Variants in TJP1 observed in about 807,000 individuals in gnomAD.
The protein encoded by TJP1 is tight junction protein 1.
TJP1 carries 43 observed loss-of-function variants against 194.2 expected under a neutral mutation model. The ratio of observed to expected loss-of-function variants is 0.22; its 90% CI spans 0.17 to 0.29. The LOEUF (loss-of-function observed/expected upper bound fraction) is 0.29, where lower values mean the gene tolerates loss of function less well. TJP1 is among the 10% of genes least tolerant of loss of function. The pLI, the probability that TJP1 is intolerant of heterozygous loss-of-function variation, is 1.00. For synonymous variants in TJP1, 801 were observed against 779.0 expected (o/e 1.03, Z -0.47); for missense variants, 1,971 against 2,185.7 (o/e 0.90, Z 1.96).
chr15:29,862,501 A>C (rs2052117354), intron 2 of TJP1, among the ~76,000 whole-genome samples: 1 of 152,082 alleles, frequency 6.6e-6, no homozygotes, highest in South Asian at 2.1e-4. Flanking sequence ...TCTCAGCTGG[A>C]ATGTTATGGG....
rs2042729617 is a variant in TJP1, at chr15:29,718,663, T to C, written c.3479A>G (p.Gln1160Arg). Residue 1160 changes from glutamine (Q) to arginine (R), a missense_variant, in exon 21 of 28, where the codon CAG (glutamine) becomes CGG (arginine). By Grantham distance (43) the Gln-to-Arg change is conservative. Transcript: ENST00000614355. ...PRASALRHEEQPAPGYDTHGR... is the reference protein window; with the variant it reads ...PRASALRHEERPAPGYDTHGR... Reference sequence around the variant, plus strand: ...ATGTGTGTCATACCCAGGAGCTGGCTGCTCTTCGTGCCGCAGGGCGGATGC... The same window carrying C: ...ATGTGTGTCATACCCAGGAGCTGGCCGCTCTTCGTGCCGCAGGGCGGATGC... The C allele has an allele frequency of 6.2e-7, 1 of 1,614,058 alleles. No individual in the cohort carries two copies.
At chr15:29,738,904 T>A (rs1006926542) in intron 10 of TJP1, among the ~76,000 whole-genome samples, 1 of 144,104 alleles carries the variant, frequency 6.9e-6, no homozygotes, top group African/African-American at 2.5e-5. Flanking sequence ...TTAGCTGGGT[T>A]TCGTGGCTCG....
intron 26 of TJP1, 89 bp downstream of exon 26, chr15:29,705,439 G>A (rs1422066912): frequency 1.5e-6 from 2 of 1,318,886 alleles, no homozygotes; most frequent in Non-Finnish European, 2.1e-6. Context: ...GAGAGGTGCT[G>A]CATTATTAGC....
At chr15:29,827,139 T>C (rs1483521627), upstream of TJP1, among the ~76,000 whole-genome samples, 1 of 152,214 alleles carries the variant, frequency 6.6e-6, no homozygotes, top group African/African-American at 2.4e-5. Flanking sequence ...GGTGGCTGCC[T>C]GGCTGGAGGC....
At chr15:29,916,610 A>C (rs2054195419) in intron 2 of TJP1, among the ~76,000 whole-genome samples, 1 of 152,236 alleles carries the variant, frequency 6.6e-6, no homozygotes, top group Non-Finnish European at 1.5e-5. Flanking sequence ...TTGCACAAAC[A>C]CAATTTCCTC....
intron 2 of TJP1, among the ~76,000 whole-genome samples, chr15:29,866,873 A>G (rs1421479171): frequency 2.0e-5 from 3 of 152,192 alleles, no homozygotes; most frequent in Non-Finnish European, 4.4e-5. Context: ...AACCTGAGAC[A>G]ACCAGGAAGA....
chr15:29,921,216 CCG>C (rs1198618480), intron 2 of TJP1, among the ~76,000 whole-genome samples: 1 of 152,182 alleles, frequency 6.6e-6, no homozygotes, highest in Non-Finnish European at 1.5e-5. Context: ...CCTCTGAATG[CCG>C]GCACTCTCCC....
intron 2 of TJP1, among the ~76,000 whole-genome samples, chr15:29,865,694 G>A (rs1380394106): frequency 6.6e-6 from 1 of 152,160 alleles, no homozygotes; most frequent in Non-Finnish European, 1.5e-5. Context: ...TAGCAAAGAT[G>A]GACATGCACC....
chr15:29,777,824 TTGTAA>T (rs1179783861), intron 2 of TJP1, among the ~76,000 whole-genome samples: 10 of 152,280 alleles, frequency 6.6e-5, no homozygotes, highest in Admixed American at 5.9e-4. Context: ...TGCAGACTGT[TTGTAA>T]TTGCAAAATG....
intron 2 of TJP1, among the ~76,000 whole-genome samples, chr15:29,887,553 G>A (rs1195432773): frequency 2.0e-5 from 3 of 151,706 alleles, no homozygotes; most frequent in East Asian, 1.9e-4. Context: ...CGCCCACCTC[G>A]GCCTCCCAAA....
intron 23 of TJP1, among the ~76,000 whole-genome samples, chr15:29,713,466 A>G (rs2042364989): frequency 6.6e-6 from 1 of 152,202 alleles, no homozygotes; most frequent in Non-Finnish European, 1.5e-5. Flanking sequence ...TATTTTCCAT[A>G]TCTAATTCTC....
chr15:29,919,456 G>A (rs1373040626), intron 2 of TJP1, among the ~76,000 whole-genome samples: 2 of 152,182 alleles, frequency 1.3e-5, no homozygotes, highest in Non-Finnish European at 2.9e-5. Context: ...GGGAACAGAG[G>A]TGAAAAAAAC....
intron 2 of TJP1, among the ~76,000 whole-genome samples, chr15:29,874,199 G>A (rs761061815): frequency 6.6e-6 from 1 of 152,138 alleles, no homozygotes; most frequent in African/African-American, 2.4e-5. Flanking sequence ...GCTGTTCTAG[G>A]GCAAGATAGG....
At position 29,761,650 on chromosome 15, in the gene TJP1, G is replaced by C. The variant is rs761043532; in HGVS notation, c.813C>G (p.Val271=). ...QRDERATLLN[V]PDLSDSIHSA... The stretch of plus-strand genomic sequence containing the variant: ...AGTGGATGCTGTCAGAAAGATCAGG[G>C]ACATTCAATAGCGTAGCCCGTTCAT... Residue 271 remains valine (V), a synonymous_variant, in exon 7 of 28, where the codon GTC becomes GTG. Coordinates refer to ENST00000614355, the MANE Select transcript of TJP1 (RefSeq NM_001330239.4). The C allele has an allele frequency of 6.2e-7, 1 of 1,609,848 alleles. No individual in the cohort carries two copies. Among genetic ancestry groups the C allele is most frequent in the South Asian group, 1.1e-5 (1 of 90,784 alleles).
intron 1 of TJP1, among the ~76,000 whole-genome samples, 149 bp downstream of exon 1, chr15:29,821,832 TCCCCGCGGCCCGCGGCCCGCG>T (rs1291189568): frequency 2.8e-5 from 4 of 142,172 alleles, no homozygotes; most frequent in Non-Finnish European, 3.1e-5. Flanking sequence ...CCCGAGGGGC[TCCCCGCGGCCCGCGGCCCGCG>T]GCCCGCGGCC....
At chr15:29,931,666 G>T (rs1461458762) in intron 2 of TJP1, among the ~76,000 whole-genome samples, 2 of 152,174 alleles carry the variant, frequency 1.3e-5, no homozygotes, top group African/African-American at 4.8e-5. Context: ...AGGTGGGAAA[G>T]TACTTGCCCT....
At chr15:29,768,061 T>G (rs781505307) in intron 4 of TJP1, among the ~76,000 whole-genome samples, 1 of 152,224 alleles carries the variant, frequency 6.6e-6, no homozygotes, top group Non-Finnish European at 1.5e-5. Context: ...CTTTTCTCTC[T>G]TCTCTATGTG....
intron 18 of TJP1, among the ~76,000 whole-genome samples, chr15:29,723,725 A>G (rs1229185874): frequency 6.6e-6 from 1 of 152,236 alleles, no homozygotes; most frequent in Non-Finnish European, 1.5e-5. Context: ...GAAGAAATAC[A>G]GTAATGCTTT....
chr15:29,811,549 C>T (rs984304539), intron 1 of TJP1, among the ~76,000 whole-genome samples: 1 of 152,128 alleles, frequency 6.6e-6, no homozygotes, highest in South Asian at 2.1e-4. Context: ...CAACCATTCA[C>T]CATACTAGGT....
Sources: allele counts gnomAD v4.1 joint callset (sites outside exome capture counted in the v4.1 genomes callset), GRCh38; gene constraint gnomAD v4.1.1; transcripts MANE v1.5; gene names NCBI Gene and HGNC (gene_info 2026-07-23, HGNC 2026-07-21).